The following RYR3 variants were observed in gnomAD, a reference collection of about 807,000 sequenced individuals.
The protein encoded by RYR3 is ryanodine receptor 3.
In RYR3, 207 loss-of-function variants were observed where a neutral mutation model predicts 584.3. That is an observed-to-expected ratio of 0.35 (90% CI 0.32 to 0.40). RYR3 has a LOEUF of 0.40. RYR3 is among the 10% of genes least tolerant of loss of function. The pLI is 1.00. For synonymous variants in RYR3, 2,416 were observed against 2,248.5 expected, an observed-to-expected ratio of 1.07 and a Z score of -2.11; for missense variants, 5,616 against 6,089.2, an observed-to-expected ratio of 0.92 and a Z score of 2.59.
At chr15:33,357,653 G>A (rs2140980425) in intron 1 of RYR3, among the ~76,000 whole-genome samples, 1 of 152,226 alleles carries the variant, frequency 6.6e-6, no homozygotes, top group South Asian at 2.1e-4. Context: ...CTATGGAGTA[G>A]CCATTCTTTA....
At chr15:33,693,847 A>G (rs1005098752) in intron 38 of RYR3, among the ~76,000 whole-genome samples, 2 of 152,210 alleles carry the variant, frequency 1.3e-5, no homozygotes, top group African/African-American at 4.8e-5. Context: ...TTTCTCCATC[A>G]AGGATGTTAG....
intron 98 of RYR3, 56 bp from the exon 99 acceptor site, chr15:33,857,724 C>T: frequency 1.2e-6 from 2 of 1,603,846 alleles, no homozygotes; most frequent in South Asian, 1.1e-5. Context: ...TCCTGTGAAC[C>T]TTTCAAGGTA....
intron 72 of RYR3, among the ~76,000 whole-genome samples, chr15:33,811,906 C>T (rs115841055): frequency 0.023 from 3,474 of 152,222 alleles, 131 homozygotes; most frequent in African/African-American, 0.076. Context: ...ACCTCAGATA[C>T]ATTATGCCCT....
intron 2 of RYR3, among the ~76,000 whole-genome samples, chr15:33,487,803 A>G (rs2050591484): frequency 6.6e-6 from 1 of 152,224 alleles, no homozygotes; most frequent in Non-Finnish European, 1.5e-5. Flanking sequence ...AATCCTAACT[A>G]TGTTCAGATT....
intron 36 of RYR3, 47 bp from the exon 37 acceptor site, chr15:33,669,307 G>T: frequency 6.7e-7 from 1 of 1,493,978 alleles, no homozygotes; most frequent in South Asian, 1.1e-5. Flanking sequence ...GAGTTCCCTT[G>T]GCCAACATTG....
At chr15:33,534,214 G>A (rs539923504) in intron 5 of RYR3, among the ~76,000 whole-genome samples, 15 of 152,204 alleles carry the variant, frequency 9.9e-5, no homozygotes, top group Admixed American at 5.2e-4. Context: ...TAGCTTGGCC[G>A]ACATGGTGAA....
intron 94 of RYR3, chr15:33,849,828 A>T (rs2152993472): frequency 6.6e-6 from 1 of 152,354 alleles, no homozygotes; most frequent in Middle Eastern, 3.4e-3. Context: ...TATATTCTCC[A>T]GAAAAGGAAG....
chr15:33,397,369 G>A (rs963489063), intron 1 of RYR3, among the ~76,000 whole-genome samples: 4 of 152,202 alleles, frequency 2.6e-5, no homozygotes, highest in African/African-American at 9.7e-5. Context: ...TATGACCCAC[G>A]TTCACTTTGG....
intron 1 of RYR3, among the ~76,000 whole-genome samples, chr15:33,397,698 G>A (rs1014624048): frequency 6.6e-6 from 1 of 152,216 alleles, no homozygotes; most frequent in African/African-American, 2.4e-5. Context: ...CCTTTTGGCA[G>A]TGAGAATCAT....
chr15:33,433,547 G>A (rs1452085766), intron 1 of RYR3, among the ~76,000 whole-genome samples: 1 of 152,214 alleles, frequency 6.6e-6, no homozygotes, highest in Non-Finnish European at 1.5e-5. Context: ...GTAAATAAAT[G>A]CAGTCGTAGG....
At chr15:33,572,281 A>C (rs113305807) in intron 12 of RYR3, among the ~76,000 whole-genome samples, 2 of 152,006 alleles carry the variant, frequency 1.3e-5, no homozygotes, top group African/African-American at 4.8e-5. Flanking sequence ...ATTTCTTTGC[A>C]TGGATTCCAG....
intron 1 of RYR3, among the ~76,000 whole-genome samples, chr15:33,411,812 C>T (rs991983773): frequency 6.6e-6 from 1 of 152,172 alleles, no homozygotes; most frequent in African/African-American, 2.4e-5. Context: ...TGGCTTTTCA[C>T]ATACCACACT....
intron 40 of RYR3, 39 bp downstream of exon 40, chr15:33,698,035 TGAGGCAGGAGC>T (rs2065982971): frequency 7.0e-7 from 1 of 1,438,232 alleles, no homozygotes; most frequent in Non-Finnish European, 9.8e-7. Flanking sequence ...ACTTGTCCCT[TGAGGCAGGAGC>T]ACGAGGTGAC....
chr15:33,744,669 A>G (rs1268387926), intron 52 of RYR3, among the ~76,000 whole-genome samples: 1 of 152,182 alleles, frequency 6.6e-6, no homozygotes, highest in Non-Finnish European at 1.5e-5. Flanking sequence ...ATTTGTCACA[A>G]GGAAGTAAGC....
chr15:33,776,801 A>T (rs1282940262), intron 64 of RYR3, among the ~76,000 whole-genome samples: 1 of 152,232 alleles, frequency 6.6e-6, no homozygotes. Context: ...TATCCCTAAC[A>T]ATCGATTTTG....
intron 67 of RYR3, among the ~76,000 whole-genome samples, 163 bp from the exon 68 acceptor site, chr15:33,800,607 T>C (rs2075866848): frequency 6.6e-6 from 1 of 152,248 alleles, no homozygotes; most frequent in African/African-American, 2.4e-5. Flanking sequence ...TCTGAATGTT[T>C]AAGGAATATA....
Position 33,646,452 on chromosome 15 carries a change from C to G in RYR3, c.3867C>G (p.Arg1289=). ...GCAATGCCGACATGATCTATTGCCG[C>G]TTGAGCATGCCTGTCGAGTGCCACT... is the stretch of plus-strand genomic sequence containing the variant. ...QNSNADMIYC[R]LSMPVECHSS... The change falls in exon 29 of 104, where the codon CGC becomes CGG. Residue 1289 remains arginine, a synonymous_variant. Coordinates refer to ENST00000634891, the MANE Select transcript of RYR3 (RefSeq NM_001036.6). The G allele has an allele frequency of 6.2e-7, 1 of 1,613,962 alleles. No homozygotes were observed. The highest frequency in any genetic ancestry group is 2.2e-5 in the East Asian group (1 of 44,888).
chr15:33,570,257 A>G (rs1415380532), intron 12 of RYR3, among the ~76,000 whole-genome samples: 2 of 152,118 alleles, frequency 1.3e-5, no homozygotes, highest in Non-Finnish European at 2.9e-5. Context: ...TGTGCATAGT[A>G]TGAGGTAAAG....
At chr15:33,667,456 T>C (rs1196934716) in intron 36 of RYR3, among the ~76,000 whole-genome samples, 1 of 152,160 alleles carries the variant, frequency 6.6e-6, no homozygotes, top group Admixed American at 6.5e-5. Context: ...CCAACCAAAA[T>C]TGCACATTTT....
Sources: allele counts gnomAD v4.1 joint callset (sites outside exome capture counted in the v4.1 genomes callset), GRCh38; gene constraint gnomAD v4.1.1; transcripts MANE v1.5; gene names NCBI Gene and HGNC (gene_info 2026-07-23, HGNC 2026-07-21).